The following NLGN1 variants were observed in gnomAD, a reference collection of about 807,000 sequenced individuals.
NLGN1 encodes neuroligin 1.
In NLGN1, 12 loss-of-function variants were observed where a neutral mutation model predicts 65.5. That is an observed-to-expected ratio of 0.18 (90% CI 0.12 to 0.30). NLGN1 has a LOEUF of 0.30. Among genes scored for constraint, NLGN1 ranks in the 10% least tolerant of loss-of-function variants. The pLI is 1.00. For synonymous variants in NLGN1, 350 were observed against 359.5 expected (o/e 0.97, Z 0.30); for missense variants, 750 against 1,007.1 (o/e 0.74, Z 3.46).
chr3:173,859,518 A>T (rs191564084), intron 4 of NLGN1, among the ~76,000 whole-genome samples: 37 of 152,194 alleles, frequency 2.4e-4, no homozygotes, highest in African/African-American at 8.9e-4. Context: ...GCCCTATTTC[A>T]CTCTTTAGAA....
At chr3:174,147,183 G>C (rs1016849825) in intron 4 of NLGN1, among the ~76,000 whole-genome samples, 1 of 151,968 alleles carries the variant, frequency 6.6e-6, no homozygotes, top group Admixed American at 6.6e-5. Context: ...GCTAAGCCTA[G>C]ATTACCCAGG....
At chr3:173,633,250 CCTT>C (rs1368817560) in intron 3 of NLGN1, among the ~76,000 whole-genome samples, 1 of 152,032 alleles carries the variant, frequency 6.6e-6, no homozygotes, top group Non-Finnish European at 1.5e-5. Flanking sequence ...AAGTTTGAAA[CCTT>C]CTGTGGTGTT....
rs531523069 is a variant in NLGN1 at position 173,905,160 on chromosome 3, G to A, written c.646+97328G>A. Among the ~76,000 whole-genome samples, 36 of 152,258 alleles carry A rather than the reference G, an allele frequency of 2.4e-4. No homozygotes were observed. In the South Asian group the frequency reaches 5.0e-3, roughly 21 times the overall value. ...AGTTCTCTTTCCCATGTGGACTATCGCCATAGCAGGGTAGGGCCTTGGACC... is the reference window on the plus strand; with the variant it reads ...AGTTCTCTTTCCCATGTGGACTATCACCATAGCAGGGTAGGGCCTTGGACC... On this transcript the variant is annotated intron_variant, in intron 4 of 6. Coordinates refer to ENST00000457714, the Ensembl canonical transcript of NLGN1.
Position 173,730,329 on chromosome 3 carries a change from C to CA in NLGN1, c.494-77351_494-77350insA, listed in dbSNP as rs1553822112. Among the ~76,000 whole-genome samples the CA allele has an allele frequency of 1.4e-4, 20 of 139,952 alleles. 1 individual carries two copies. Among genetic ancestry groups the CA allele is most frequent in the African/African-American group, 5.4e-4 (20 of 37,002 alleles). 91.8% of individuals were successfully genotyped at this position (139,952 alleles called of 152,430 possible). On this transcript the variant is annotated intron_variant, in intron 3 of 6. Coordinates refer to ENST00000457714, the Ensembl canonical transcript of NLGN1. ...ACACTACTGCCCCACCGCTCCCCCC[C>CA]CCCCGCAAAAATAGAATGAAAGCTA...
At chr3:174,021,130 A>C (rs907327874) in intron 4 of NLGN1, among the ~76,000 whole-genome samples, 17 of 151,828 alleles carry the variant, frequency 1.1e-4, no homozygotes, top group Non-Finnish European at 1.8e-4. Flanking sequence ...ATGGTTGAGG[A>C]GGGTGGCTAG....
At position 173,494,242 on chromosome 3, in the gene NLGN1, G is replaced by A. The variant is rs561914488; in HGVS notation, c.-321+59164G>A. Among the ~76,000 whole-genome samples the A allele has an allele frequency of 2.6e-5, 4 of 151,422 alleles. No individual in the cohort carries two copies. The South Asian group carries it at 6.2e-4, about 24-fold the overall frequency. On this transcript the variant is annotated intron_variant, in intron 2 of 6. Coordinates refer to ENST00000457714, the Ensembl canonical transcript of NLGN1. ...TTAGCCATTCTGGTCAGTGTATAATGGTATCTTATTGTGGTTTTAATTTGA... is the reference window on the plus strand; with the variant it reads ...TTAGCCATTCTGGTCAGTGTATAATAGTATCTTATTGTGGTTTTAATTTGA...
chr3:174,043,856 A>G (rs541883910), intron 4 of NLGN1, among the ~76,000 whole-genome samples: 20 of 152,196 alleles, frequency 1.3e-4, no homozygotes, highest in Middle Eastern at 3.4e-3. Context: ...TGACACCCCT[A>G]TTTCCCTTAT....
intron 3 of NLGN1, chr3:173,695,529 A>T (rs1440241361): frequency 2.9e-6 from 1 of 348,808 alleles, no homozygotes; most frequent in African/African-American, 2.2e-5. Flanking sequence ...CCATATATTC[A>T]AATTTTTTAT....
Position 173,589,614 on chromosome 3 carries a change from T to C in NLGN1, c.-320-14665T>C, listed in dbSNP as rs545548707. Among the ~76,000 whole-genome samples the C allele has an allele frequency of 9.8e-5, 15 of 152,328 alleles. 1 individual carries two copies. The South Asian group carries it at 2.9e-3, about 29-fold the overall frequency. On this transcript the variant is annotated intron_variant, in intron 2 of 6. Coordinates refer to ENST00000457714, the Ensembl canonical transcript of NLGN1. ...GAATGTGATTTTCTTATATTTTGCT[T>C]GTATTGAAATAGCACAGACACTTTC...
intron 2 of NLGN1, among the ~76,000 whole-genome samples, chr3:173,493,031 A>C (rs1729439227): frequency 6.6e-6 from 1 of 151,810 alleles, no homozygotes; most frequent in Non-Finnish European, 1.5e-5. Context: ...ATATTTCTCC[A>C]GTAGTAAAAA....
At chr3:174,229,256 CA>C (rs1239848224) in intron 4 of NLGN1, among the ~76,000 whole-genome samples, 38 of 152,084 alleles carry the variant, frequency 2.5e-4, no homozygotes, top group Non-Finnish European at 7.4e-5. Flanking sequence ...TGGTGCCAGG[CA>C]GAAGTAGATT....
chr3:173,906,744 A>G (rs1203634305), intron 4 of NLGN1, among the ~76,000 whole-genome samples: 1 of 151,980 alleles, frequency 6.6e-6, no homozygotes, highest in East Asian at 1.9e-4. Context: ...CCAGCTACTC[A>G]AGAGGCTGAC....
intron 2 of NLGN1, among the ~76,000 whole-genome samples, chr3:173,593,919 G>A (rs1748991384): frequency 6.6e-6 from 1 of 152,204 alleles, no homozygotes; most frequent in Non-Finnish European, 1.5e-5. Context: ...CAGATCTCAT[G>A]AGACTTATTC....
At chr3:173,437,032 G>C (rs1194437110) in intron 2 of NLGN1, among the ~76,000 whole-genome samples, 1 of 152,164 alleles carries the variant, frequency 6.6e-6, no homozygotes, top group Non-Finnish European at 1.5e-5. Flanking sequence ...TCTTGAAGTA[G>C]ATTCTGATTC....
intron 4 of NLGN1, among the ~76,000 whole-genome samples, chr3:174,261,006 G>T (rs1300270669): frequency 6.6e-6 from 1 of 151,884 alleles, no homozygotes; most frequent in Admixed American, 6.6e-5. Context: ...GATATGCGGT[G>T]TTATTTCTTA....
At chr3:173,785,564 A>G (rs771334717) in intron 3 of NLGN1, among the ~76,000 whole-genome samples, 12 of 152,158 alleles carry the variant, frequency 7.9e-5, no homozygotes, top group Non-Finnish European at 1.6e-4. Flanking sequence ...ATAAATTTTA[A>G]ACCAACATGG....
At chr3:173,699,866 A>T (rs907081907) in intron 3 of NLGN1, among the ~76,000 whole-genome samples, 4 of 152,212 alleles carry the variant, frequency 2.6e-5, no homozygotes, top group African/African-American at 9.6e-5. Flanking sequence ...ATTGCCCACC[A>T]GTGGGAGGTA....
At chr3:173,618,757 G>A (rs573971788) in intron 3 of NLGN1, among the ~76,000 whole-genome samples, 1 of 152,174 alleles carries the variant, frequency 6.6e-6, no homozygotes, top group South Asian at 2.1e-4. Flanking sequence ...GCTGAATCCT[G>A]GAGAGTGGTG....
chr3:173,738,758 T>C (rs901864261), intron 3 of NLGN1, among the ~76,000 whole-genome samples: 1 of 152,148 alleles, frequency 6.6e-6, no homozygotes, highest in Non-Finnish European at 1.5e-5. Context: ...TAGGATCAGA[T>C]TGTCAATTTA....
Sources: allele counts gnomAD v4.1 joint callset (sites outside exome capture counted in the v4.1 genomes callset), GRCh38; gene constraint gnomAD v4.1.1; transcripts MANE v1.5; gene names NCBI Gene and HGNC (gene_info 2026-07-23, HGNC 2026-07-21).